MOXD1: variants seen among roughly 807,000 people sequenced by gnomAD.
The protein encoded by MOXD1 is monooxygenase DBH like 1, also known as DBH-like monooxygenase protein 1.
Under a neutral mutation model 66.6 loss-of-function variants are expected in MOXD1, and 62 were observed. That is an observed-to-expected ratio of 0.93 (90% CI 0.76 to 1.15). MOXD1 has a LOEUF of 1.15. MOXD1 is among the 50% of genes most tolerant of loss of function. The pLI, the probability that MOXD1 is intolerant of heterozygous loss-of-function variation, is 0.00. For missense variants in MOXD1, 847 were observed against 754.6 expected (o/e 1.12, Z -1.44); for synonymous variants, 303 against 281.9 (o/e 1.07, Z -0.75).
chr6:132,391,177 G>A (rs910675055), intron 1 of MOXD1: 7 of 151,306 alleles, frequency 4.6e-5, no homozygotes, highest in African/African-American at 1.7e-4. Flanking sequence ...ACCGAAATAT[G>A]AGCTCTTAAG....
At position 132,349,380 on chromosome 6, in the gene MOXD1, T is replaced by C. The variant is rs867443868; in HGVS notation, c.664-20786A>G. Among the ~76,000 whole-genome samples the C allele has an allele frequency of 1.2e-3, 113 of 90,816 alleles. 4 individuals are homozygous for C. Among genetic ancestry groups the C allele is most frequent in the Non-Finnish European group, 1.7e-3 (80 of 46,536 alleles). The allele number at this position is 90,816 out of a possible 152,430, so 59.6% of individuals were successfully genotyped here. A position where few individuals can be genotyped will look rare whatever the true frequency, so the allele number is the denominator to read the frequency against. On this transcript the variant is annotated intron_variant, in intron 4 of 11. Coordinates refer to ENST00000367963, the MANE Select transcript of MOXD1 (RefSeq NM_015529.4). ...ATATTCCATCATATATATATATACATGTATATATATATACACATATATATA... is the reference window on the plus strand; with the variant it reads ...ATATTCCATCATATATATATATACACGTATATATATATACACATATATATA...
At chr6:132,389,676 C>T (rs1466814112) in intron 1 of MOXD1, among the ~76,000 whole-genome samples, 1 of 151,280 alleles carries the variant, frequency 6.6e-6, no homozygotes, top group African/African-American at 2.4e-5. Flanking sequence ...AGTATCTTTC[C>T]CAGTTCTCAC....
At chr6:132,345,904 C>T (rs1042234250) in intron 4 of MOXD1, among the ~76,000 whole-genome samples, 1 of 151,966 alleles carries the variant, frequency 6.6e-6, no homozygotes, top group Non-Finnish European at 1.5e-5. Context: ...CAACCAGTTA[C>T]ATCTCCTGAT....
At position 132,335,576 on chromosome 6, in the gene MOXD1, CAGAAGCTGGA is replaced by C. The variant is rs531360441; in HGVS notation, c.664-6992_664-6983del. Among the ~76,000 whole-genome samples, 328 of 152,240 alleles carry C rather than the reference CAGAAGCTGGA, an allele frequency of 2.2e-3. 2 individuals carry two copies. The highest frequency in any genetic ancestry group is 7.7e-3 in the African/African-American group (319 of 41,542). ...CAAGCCCAGGAATGCCAGAAGCTAC[CAGAAGCTGGA>C]AGAGGCAAGGAAGGGGAGTTTTTGG... On this transcript the variant is annotated intron_variant, in intron 4 of 11. Transcript: ENST00000367963.
chr6:132,374,912 T>C (rs1776347535), intron 1 of MOXD1, 135 bp from the exon 2 acceptor site: 5 of 858,544 alleles, frequency 5.8e-6, no homozygotes, highest in Non-Finnish European at 8.9e-6. Context: ...GGCTGGAGTA[T>C]TCCAACTGGG....
intron 4 of MOXD1, among the ~76,000 whole-genome samples, chr6:132,370,833 C>G (rs544643697): frequency 1.3e-5 from 2 of 152,152 alleles, no homozygotes; most frequent in East Asian, 3.9e-4. Flanking sequence ...TTACTTGATA[C>G]GCTTCTTATA....
chr6:132,299,379 C>A (rs1424516351), intron 10 of MOXD1, among the ~76,000 whole-genome samples: 1 of 152,074 alleles, frequency 6.6e-6, no homozygotes, highest in Non-Finnish European at 1.5e-5. Context: ...CAGTTTCACA[C>A]AATATACCAT....
rs778630893 is a variant in MOXD1 at position 132,328,519 on chromosome 6, T to TA, written c.738dup (p.Asn247Ter). 2 of 1,614,078 alleles carry TA rather than the reference T, an allele frequency of 1.2e-6. No homozygotes were observed. Among genetic ancestry groups the TA allele is most frequent in the South Asian group, 2.2e-5 (2 of 91,072 alleles). On this transcript the variant is annotated frameshift_variant, in exon 5 of 12. Transcript: ENST00000367963. LOFTEE classifies it high-confidence loss of function. The stretch of plus-strand genomic sequence containing the variant: ...TGGCCGGACTCCAGAACGCTGTCGT[T>TA]AAAGTTGTTGCTGCACTGATAGAGC...
intron 1 of MOXD1, among the ~76,000 whole-genome samples, chr6:132,396,815 T>C (rs1251710000): frequency 1.3e-5 from 2 of 152,248 alleles, no homozygotes; most frequent in East Asian, 3.9e-4. Flanking sequence ...CTACCAAGAC[T>C]GAATCAAGAA....
chr6:132,381,424 C>T (rs1776506116), intron 1 of MOXD1, among the ~76,000 whole-genome samples: 2 of 150,962 alleles, frequency 1.3e-5, no homozygotes, highest in Non-Finnish European at 3.0e-5. Flanking sequence ...ATCTTAAAAG[C>T]ACAATTAAAT....
intron 6 of MOXD1, among the ~76,000 whole-genome samples, chr6:132,324,392 T>C (rs940882992): frequency 6.6e-6 from 1 of 152,202 alleles, no homozygotes; most frequent in African/African-American, 2.4e-5. Flanking sequence ...ATTCCACAAT[T>C]ATCTAACATG....
Position 132,333,448 on chromosome 6 carries a change from G to A in MOXD1, c.664-4854C>T, listed in dbSNP as rs143207626. Among the ~76,000 whole-genome samples the A allele has an allele frequency of 1.8e-3, 276 of 151,806 alleles. 2 individuals carry two copies. The highest frequency in any genetic ancestry group is 6.8e-3 in the Middle Eastern group (2 of 292). On this transcript the variant is annotated intron_variant, in intron 4 of 11. Coordinates refer to ENST00000367963, the MANE Select transcript of MOXD1 (RefSeq NM_015529.4). ...TCACATTATTATCACAATCACAGGG[G>A]GAATGCCAAGAGTTGCCTCTATTCA... is the stretch of plus-strand genomic sequence containing the variant.
At chr6:132,379,400 C>T (rs866919432) in intron 1 of MOXD1, among the ~76,000 whole-genome samples, 2 of 152,142 alleles carry the variant, frequency 1.3e-5, no homozygotes, top group Admixed American at 1.3e-4. Context: ...AGCTAACATA[C>T]TTAATGATAA....
chr6:132,381,102 C>A (rs779984379), intron 1 of MOXD1, among the ~76,000 whole-genome samples: 5 of 152,180 alleles, frequency 3.3e-5, no homozygotes, highest in African/African-American at 4.8e-5. Flanking sequence ...TTTATATCCT[C>A]AGTACCTAAC....
In MOXD1 at chr6:132,329,651, A is replaced by G. The variant is rs1252716062; in HGVS notation, c.664-1057T>C. ...CATTTTTACTGGTGATTTTATCATC[A>G]ATGAAATTCAAGAAGAATTAAATTG... On this transcript the variant is annotated intron_variant, in intron 4 of 11. Coordinates refer to ENST00000367963, the MANE Select transcript of MOXD1 (RefSeq NM_015529.4). Among the ~76,000 whole-genome samples the G allele has an allele frequency of 2.0e-5, 3 of 152,094 alleles. No individual in the cohort carries two copies. In the East Asian group the frequency reaches 5.8e-4, roughly 29 times the overall value.
At position 132,315,722 on chromosome 6, in the gene MOXD1, C is replaced by T. The variant is rs1286558079; in HGVS notation, c.1421G>A (p.Arg474Lys). 5 of 1,613,342 alleles carry T rather than the reference C, an allele frequency of 3.1e-6. No individual in the cohort carries two copies. The highest frequency in any genetic ancestry group is 3.4e-6 in the Non-Finnish European group (4 of 1,179,476). The change falls in exon 10 of 12, where the codon AGA becomes AAA. Residue 474 changes from arginine (R) to lysine (K), a missense_variant. Transcript: ENST00000367963. ...ACTTGCACATCGAGTAAGATTAATT[C>T]TTGGGTAATAAAGAAGGTATGAGAG... The part of the protein sequence containing the change: ...MCLSYLLYYP[R>K]INLTRCASIP...
intron 4 of MOXD1, among the ~76,000 whole-genome samples, chr6:132,357,038 A>C (rs1304585364): frequency 6.6e-6 from 1 of 152,094 alleles, no homozygotes; most frequent in Non-Finnish European, 1.5e-5. Flanking sequence ...TTAGAAAATA[A>C]AGTGTTCTCT....
intron 1 of MOXD1, among the ~76,000 whole-genome samples, chr6:132,375,630 C>A (rs1776364138): frequency 6.6e-6 from 1 of 152,102 alleles, no homozygotes; most frequent in Admixed American, 6.6e-5. Flanking sequence ...CCATGTTAGC[C>A]AGGATGGTCT....
chr6:132,382,569 T>G (rs1776533086), intron 1 of MOXD1, among the ~76,000 whole-genome samples: 1 of 152,170 alleles, frequency 6.6e-6, no homozygotes, highest in East Asian at 1.9e-4. Flanking sequence ...TTGTTACACC[T>G]GAAAATGAGT....
Sources: gnomAD v4.1 joint callset for allele counts (sites outside exome capture counted in the v4.1 genomes callset) on GRCh38, gnomAD v4.1.1 for gene constraint, MANE v1.5 for transcripts, NCBI Gene and HGNC (gene_info 2026-07-23, HGNC 2026-07-21) for gene names.